Variants in PDCD6 observed in about 807,000 individuals in gnomAD.
PDCD6 encodes programmed cell death 6.
PDCD6 carries 12 observed loss-of-function variants against 28.3 expected under a neutral mutation model. The observed-to-expected ratio is 0.42, with a 90% CI of 0.27 to 0.69. The LOEUF (loss-of-function observed/expected upper bound fraction) is 0.69, where lower values mean the gene tolerates loss of function less well. Ranked by LOEUF, PDCD6 falls within the 30% of genes least tolerant of loss-of-function variation. The probability of loss-of-function intolerance (pLI) is 0.22; values close to 1 mark genes in which losing one functional copy is unlikely to be tolerated. For synonymous variants in PDCD6, 92 were observed against 108.0 expected, an observed-to-expected ratio of 0.85 and a Z score of 0.92; for missense variants, 226 against 269.9, an observed-to-expected ratio of 0.84 and a Z score of 1.14.
Position 282,275 on chromosome 5 carries a change from G to A in PDCD6, c.163+9503G>A, listed in dbSNP as rs866118156. Among the ~76,000 whole-genome samples the A allele has an allele frequency of 1.6e-3, 163 of 104,710 alleles. 1 individual carries two copies. Among genetic ancestry groups the A allele is most frequent in the African/African-American group, 4.7e-3 (152 of 32,108 alleles). The allele number at this position is 104,710 out of a possible 152,430, so 68.7% of individuals were successfully genotyped here. A position where few individuals can be genotyped will look rare whatever the true frequency, so the allele number is the denominator to read the frequency against. Reference sequence around the variant, plus strand: ...AAGGGTGGTGCAGCGGAAAAATCGGGGGGGGGGGAGCTGATGTTGTTCGCG... The same window carrying A: ...AAGGGTGGTGCAGCGGAAAAATCGGAGGGGGGGGAGCTGATGTTGTTCGCG... On this transcript the variant is annotated intron_variant, in intron 2 of 5. Coordinates refer to ENST00000264933, the MANE Select transcript of PDCD6 (RefSeq NM_013232.4).
At chr5:282,834 C>CAAGCCCAGAG (rs1579491328) in intron 2 of PDCD6, among the ~76,000 whole-genome samples, 1 of 151,704 alleles carries the variant, frequency 6.6e-6, no homozygotes, top group African/African-American at 2.4e-5. Flanking sequence ...CTTGCAGCTG[C>CAAGCCCAGAG]AGACGTGGAG....
intron 2 of PDCD6, among the ~76,000 whole-genome samples, chr5:284,659 C>T (rs62345241): frequency 3.3e-5 from 3 of 90,328 alleles, no homozygotes; most frequent in African/African-American, 1.1e-4. Context: ...GGAGACCGGG[C>T]GGGAGCTGAT....
chr5:272,350 C>G (rs187040217), intron 1 of PDCD6, among the ~76,000 whole-genome samples: 13 of 148,318 alleles, frequency 8.8e-5, no homozygotes, highest in African/African-American at 3.4e-4. Flanking sequence ...TGTCCCTGGT[C>G]GCTTTTCCAC....
intron 2 of PDCD6, chr5:276,435 T>C: frequency 1.0e-6 from 1 of 988,144 alleles, no homozygotes; most frequent in Non-Finnish European, 1.2e-6. Context: ...GATAAACACA[T>C]ATCCTCTTCC....
chr5:302,223 T>C, intron 2 of PDCD6, among the ~76,000 whole-genome samples: 1 of 125,434 alleles, frequency 8.0e-6, no homozygotes. Flanking sequence ...ATGCCTCGGG[T>C]TCAGGTGCAC....
chr5:284,310 G>A (rs1738783736), intron 2 of PDCD6, among the ~76,000 whole-genome samples: 1 of 152,156 alleles, frequency 6.6e-6, no homozygotes, highest in Non-Finnish European at 1.5e-5. Flanking sequence ...TTGAGGAGGA[G>A]CTGATGTTCT....
At chr5:285,003 G>T (rs1738853246) in intron 2 of PDCD6, among the ~76,000 whole-genome samples, 1 of 146,792 alleles carries the variant, frequency 6.8e-6, no homozygotes, top group Non-Finnish European at 1.5e-5. Context: ...GTTCCCATCC[G>T]GGTCTCCAGC....
chr5:296,236 A>G (rs1388006763), intron 2 of PDCD6, among the ~76,000 whole-genome samples: 1 of 152,220 alleles, frequency 6.6e-6, no homozygotes, highest in Non-Finnish European at 1.5e-5. Flanking sequence ...CTGATCGGCC[A>G]CGACACCTGC....
At position 290,724 on chromosome 5, in the gene PDCD6, G is replaced by A. The variant is rs145222146; in HGVS notation, c.164-13453G>A. 6.7e-3 allele frequency among the ~76,000 whole-genome samples: 1,024 copies of A among 152,350 alleles called. 4 individuals are homozygous for A. Among genetic ancestry groups the A allele is most frequent in the African/African-American group, 0.02 (813 of 41,576 alleles). The stretch of plus-strand genomic sequence containing the variant: ...GAGTCCGTTCACACAGCCTGGTGAT[G>A]CAGCAGGTGTCACAGAAGGACCCTG... On this transcript the variant is annotated intron_variant, in intron 2 of 5. Coordinates refer to ENST00000264933, the MANE Select transcript of PDCD6 (RefSeq NM_013232.4).
At chr5:308,550 C>T (rs972104109) in intron 4 of PDCD6, 12 of 152,204 alleles carry the variant, frequency 7.9e-5, no homozygotes, top group Non-Finnish European at 1.8e-4. Context: ...TCTCCAGGGC[C>T]ATCTCCCACG....
At chr5:298,984 A>C (rs1407025141) in intron 2 of PDCD6, among the ~76,000 whole-genome samples, 1 of 3,312 alleles carries the variant, frequency 3.0e-4, no homozygotes, top group East Asian at 8.8e-3. Context: ...AGCTACTCCC[A>C]CCCAGCTGCT....
At chr5:287,061 T>C (rs539100063) in intron 2 of PDCD6, among the ~76,000 whole-genome samples, 32 of 151,124 alleles carry the variant, frequency 2.1e-4, no homozygotes, top group African/African-American at 7.5e-4. Context: ...ACGGAGGAGC[T>C]GGTATGTTCT....
intron 2 of PDCD6, chr5:289,142 T>C: frequency 8.9e-7 from 1 of 1,120,670 alleles, no homozygotes; most frequent in Admixed American, 2.1e-5. Flanking sequence ...TTTCTCTTGA[T>C]GTCATAAAAG....
At chr5:306,841 C>G in intron 4 of PDCD6, 81 bp downstream of exon 4, 8 of 1,390,374 alleles carry the variant, frequency 5.8e-6, no homozygotes, top group Non-Finnish European at 5.1e-6. Context: ...CCTTGTTGGA[C>G]TTAACTGATT....
intron 2 of PDCD6, among the ~76,000 whole-genome samples, chr5:296,825 G>A (rs1043435464): frequency 2.6e-5 from 4 of 152,010 alleles, no homozygotes; most frequent in African/African-American, 7.3e-5. Context: ...TGTTTTCATC[G>A]ACAGTCTTCT....
intron 3 of PDCD6, chr5:304,595 T>G: frequency 6.1e-6 from 1 of 164,780 alleles, no homozygotes; most frequent in Non-Finnish European, 1.3e-5. Context: ...ATATTTCATA[T>G]GATAGTCTTC....
Position 276,063 on chromosome 5 carries a change from C to A in PDCD6, c.163+3291C>A, listed in dbSNP as rs1213711539. 5.1e-6 allele frequency: 6 copies of A among 1,187,176 alleles called. No homozygotes were observed. The East Asian group carries it at 2.8e-4, about 56-fold the overall frequency. 73.5% of individuals were successfully genotyped at this position (1,187,176 alleles called of 1,614,324 possible). On this transcript the variant is annotated intron_variant, in intron 2 of 5. Transcript: ENST00000264933. Reference sequence around the variant, plus strand: ...TGCCAGCCTTGGCAACATTGTGAGACCCTGTTTCTACAAAAAGTAAATGAG... The same window carrying A: ...TGCCAGCCTTGGCAACATTGTGAGAACCTGTTTCTACAAAAAGTAAATGAG...
At chr5:314,376 T>G in intron 5 of PDCD6, 41 bp from the exon 6 acceptor site, 1 of 1,460,370 alleles carries the variant, frequency 6.8e-7, no homozygotes, top group Non-Finnish European at 9.6e-7. Context: ...CCTTGCTCCT[T>G]CCATTTACTA....
chr5:295,773 T>C (rs1484910193), intron 2 of PDCD6, among the ~76,000 whole-genome samples: 1 of 147,468 alleles, frequency 6.8e-6, no homozygotes, highest in Non-Finnish European at 1.5e-5. Context: ...CAGATCCCGC[T>C]GCTCTCCACA....
Sources: allele counts gnomAD v4.1 joint callset (sites outside exome capture counted in the v4.1 genomes callset), GRCh38; gene constraint gnomAD v4.1.1; transcripts MANE v1.5; gene names NCBI Gene and HGNC (gene_info 2026-07-23, HGNC 2026-07-21).